Variants in LIN7A observed in about 807,000 individuals in gnomAD.
The protein encoded by LIN7A is lin-7 cell polarity scaffold A.
Under a neutral mutation model 29.8 loss-of-function variants are expected in LIN7A, and 25 were observed. The ratio of observed to expected loss-of-function variants is 0.84; its 90% CI spans 0.61 to 1.17. The LOEUF (loss-of-function observed/expected upper bound fraction) is 1.17. Among genes scored for constraint, LIN7A ranks in the 50% most tolerant of loss-of-function variants. The pLI is 0.00. For synonymous variants in LIN7A, 118 were observed against 107.5 expected, an observed-to-expected ratio of 1.10 and a Z score of -0.60; for missense variants, 239 against 287.0, an observed-to-expected ratio of 0.83 and a Z score of 1.21.
intron 4 of LIN7A, among the ~76,000 whole-genome samples, chr12:80,828,310 A>G (rs1271732283): frequency 6.6e-6 from 1 of 152,180 alleles, no homozygotes; most frequent in East Asian, 1.9e-4. Context: ...AAAATTAAAC[A>G]AAAAACCATT....
chr12:80,844,141 C>T lies in LIN7A; in HGVS notation c.483+1589G>A, dbSNP rs116136102. ...CTCTGGGGCATAAGCCTCTATGTGACGCAATTGTGTGACCTAGCTCTAGAG... is the reference window on the plus strand; with the variant it reads ...CTCTGGGGCATAAGCCTCTATGTGATGCAATTGTGTGACCTAGCTCTAGAG... On this transcript the variant is annotated intron_variant, in intron 4 of 5. Transcript: ENST00000552864. 6.0e-3 allele frequency among the ~76,000 whole-genome samples: 914 copies of T among 151,988 alleles called. 12 individuals carry two copies. Among genetic ancestry groups the T allele is most frequent in the African/African-American group, 0.021 (875 of 41,472 alleles).
At chr12:80,885,597 T>G (rs1463713246) in intron 2 of LIN7A, among the ~76,000 whole-genome samples, 2 of 152,088 alleles carry the variant, frequency 1.3e-5, no homozygotes, top group Non-Finnish European at 1.5e-5. Flanking sequence ...TGAATGAAGA[T>G]GTGTGAGGAT....
intron 4 of LIN7A, among the ~76,000 whole-genome samples, chr12:80,836,464 T>C (rs910336853): frequency 3.3e-5 from 5 of 152,018 alleles, no homozygotes; most frequent in Non-Finnish European, 5.9e-5. Flanking sequence ...TGAGACCAGT[T>C]TGGGCAACAT....
At chr12:80,845,995 T>A in intron 3 of LIN7A, 56 bp from the exon 4 acceptor site, 1 of 1,479,190 alleles carries the variant, frequency 6.8e-7, no homozygotes, top group Non-Finnish European at 9.1e-7. Context: ...AAATAAAGGC[T>A]AATCATATGC....
At chr12:80,904,316 C>T (rs1047623065) in intron 1 of LIN7A, among the ~76,000 whole-genome samples, 2 of 152,136 alleles carry the variant, frequency 1.3e-5, no homozygotes, top group Non-Finnish European at 2.9e-5. Flanking sequence ...GGTGAGAACA[C>T]TTAAAATCTA....
chr12:80,889,986 T>C (rs1301037297), intron 1 of LIN7A, among the ~76,000 whole-genome samples: 2 of 152,124 alleles, frequency 1.3e-5, no homozygotes, highest in African/African-American at 4.8e-5. Flanking sequence ...TTTCTTCTCC[T>C]CCAGCCTCTT....
intron 1 of LIN7A, among the ~76,000 whole-genome samples, chr12:80,924,988 T>G (rs1317698546): frequency 6.6e-6 from 1 of 152,188 alleles, no homozygotes; most frequent in Non-Finnish European, 1.5e-5. Flanking sequence ...AGAGAATAAA[T>G]GTAGGAAATT....
At chr12:80,934,547 G>T (rs1027052367) in intron 1 of LIN7A, among the ~76,000 whole-genome samples, 1 of 152,142 alleles carries the variant, frequency 6.6e-6, no homozygotes, top group African/African-American at 2.4e-5. Context: ...CTTACTTTCA[G>T]ATATATCTTT....
chr12:80,922,193 AG>A (rs1489492875), intron 1 of LIN7A, among the ~76,000 whole-genome samples: 1 of 152,204 alleles, frequency 6.6e-6, no homozygotes, highest in Admixed American at 6.5e-5. Flanking sequence ...ATAGAGTGCT[AG>A]AAAAATATAG....
chr12:80,825,123 T>C (rs1350271193), intron 4 of LIN7A, among the ~76,000 whole-genome samples: 1 of 152,198 alleles, frequency 6.6e-6, no homozygotes, highest in Non-Finnish European at 1.5e-5. Context: ...TGTTATTTCT[T>C]TATAAATTTT....
chr12:80,803,969 T>C (rs1032366852), intron 5 of LIN7A, among the ~76,000 whole-genome samples: 7 of 152,306 alleles, frequency 4.6e-5, no homozygotes, highest in Non-Finnish European at 8.8e-5. Context: ...AAAGCCCATG[T>C]TCCTGTGTTT....
At chr12:80,808,908 T>A (rs1871163311) in intron 5 of LIN7A, among the ~76,000 whole-genome samples, 1 of 152,166 alleles carries the variant, frequency 6.6e-6, no homozygotes, top group Non-Finnish European at 1.5e-5. Flanking sequence ...GATAGATTGT[T>A]GAATTCCCAG....
At chr12:80,823,759 T>C (rs986722249) in intron 4 of LIN7A, among the ~76,000 whole-genome samples, 2 of 152,230 alleles carry the variant, frequency 1.3e-5, no homozygotes, top group African/African-American at 4.8e-5. Flanking sequence ...AATTAAATAA[T>C]CTGCTTCTGA....
chr12:80,837,219 A>T (rs1352249938), intron 4 of LIN7A, among the ~76,000 whole-genome samples: 2 of 152,194 alleles, frequency 1.3e-5, no homozygotes, highest in African/African-American at 4.8e-5. Flanking sequence ...TATGATATTT[A>T]CACATTGTAG....
At chr12:80,923,842 AGCCTCTTTAT>A (rs1477255355) in intron 1 of LIN7A, among the ~76,000 whole-genome samples, 1 of 152,348 alleles carries the variant, frequency 6.6e-6, no homozygotes, top group East Asian at 1.9e-4. Context: ...CTCTTTGTTT[AGCCTCTTTAT>A]GCCTCAATTC....
chr12:80,878,617 G>A (rs925476883), intron 2 of LIN7A, among the ~76,000 whole-genome samples: 1 of 152,170 alleles, frequency 6.6e-6, no homozygotes, highest in South Asian at 2.1e-4. Flanking sequence ...GATCTGAGCG[G>A]GTTGCTGCTG....
At chr12:80,807,311 C>G (rs566731113) in intron 5 of LIN7A, among the ~76,000 whole-genome samples, 3 of 152,152 alleles carry the variant, frequency 2.0e-5, no homozygotes, top group South Asian at 4.2e-4. Flanking sequence ...ACCTTGTGAT[C>G]CACCTGCCTT....
At chr12:80,875,465 A>C (rs932111255) in intron 2 of LIN7A, among the ~76,000 whole-genome samples, 3 of 152,222 alleles carry the variant, frequency 2.0e-5, no homozygotes, top group African/African-American at 7.2e-5. Context: ...ATATCTGCAC[A>C]TTCATAAGAA....
At chr12:80,879,563 T>C (rs576233668) in intron 2 of LIN7A, among the ~76,000 whole-genome samples, 18 of 145,818 alleles carry the variant, frequency 1.2e-4, no homozygotes, top group African/African-American at 4.5e-4. Context: ...GCTGTTTTAT[T>C]TGGCTTAGTA....
Sources: gnomAD v4.1 joint callset for allele counts (sites outside exome capture counted in the v4.1 genomes callset) on GRCh38, gnomAD v4.1.1 for gene constraint, MANE v1.5 for transcripts, NCBI Gene and HGNC (gene_info 2026-07-23, HGNC 2026-07-21) for gene names.